Variants in THOP1 observed in about 807,000 individuals in gnomAD.
THOP1 encodes the protein thimet oligopeptidase.
THOP1 carries 49 observed loss-of-function variants against 71.8 expected under a neutral mutation model. The ratio of observed to expected loss-of-function variants is 0.68; its 90% CI spans 0.54 to 0.87. The LOEUF (loss-of-function observed/expected upper bound fraction) is 0.87. Among genes scored for constraint, THOP1 ranks in the 40% least tolerant of loss-of-function variants. The probability of loss-of-function intolerance (pLI) is 0.00; values close to 1 mark genes in which losing one functional copy is unlikely to be tolerated. For synonymous variants in THOP1, 426 were observed against 421.5 expected (o/e 1.01, Z -0.13); for missense variants, 843 against 975.6 (o/e 0.86, Z 1.81).
intron 4 of THOP1, among the ~76,000 whole-genome samples, chr19:2,798,803 C>T (rs1286817672): frequency 2.0e-5 from 3 of 152,262 alleles, no homozygotes; most frequent in African/African-American, 7.2e-5. Flanking sequence ...GCTCCAGACC[C>T]GCCTGGCGGA....
chr19:2,808,395 A>G lies in THOP1; in HGVS notation c.1406A>G (p.Glu469Gly), dbSNP rs1385753093. The change falls in exon 9 of 13, where the codon GAG (glutamate) becomes GGG (glycine). Residue 469 changes from glutamate (E) to glycine (G), a missense_variant. Transcript: ENST00000307741. ...APSLLQHDEV[E>G]TYFHEFGHVM... ...TCGCTGCTGCAGCATGACGAGGTGGAGACCTACTTCCATGAGTTTGGCCAC... is the reference window on the plus strand; with the variant it reads ...TCGCTGCTGCAGCATGACGAGGTGGGGACCTACTTCCATGAGTTTGGCCAC... 1 of 1,611,290 alleles carries G rather than the reference A, an allele frequency of 6.2e-7. No homozygotes were observed. The highest frequency in any genetic ancestry group is 8.5e-7 in the Non-Finnish European group (1 of 1,178,802).
Position 2,794,795 on chromosome 19 carries a change from T to C in THOP1, c.261T>C (p.His87=). The change falls in exon 3 of 13, where the codon CAT becomes CAC. Residue 87 remains histidine (H), a synonymous_variant. Coordinates refer to ENST00000307741, the MANE Select transcript of THOP1 (RefSeq NM_003249.5). The part of the protein sequence containing the change: ...VQRNILDFPQ[H]VSPSKDIRTA... ...GGAATATCCTTGACTTCCCCCAGCA[T>C]GTTTCCCCCTCCAAGGACATCCGGA... The C allele has an allele frequency of 2.5e-6, 4 of 1,613,806 alleles. No individual in the cohort carries two copies. The highest frequency in any genetic ancestry group is 2.2e-5 in the East Asian group (1 of 44,880).
At chr19:2,812,954 C>T (rs1231908746) in intron 12 of THOP1, among the ~76,000 whole-genome samples, 161 bp from the exon 13 acceptor site, 5 of 152,156 alleles carry the variant, frequency 3.3e-5, no homozygotes, top group Admixed American at 6.5e-5. Flanking sequence ...AAGGCACCTG[C>T]GCTCTCCCAC....
In THOP1 at chr19:2,785,614, C is replaced by T. The variant is rs1915721922; in HGVS notation, c.-49C>T. 2 of 1,499,912 alleles carry T rather than the reference C, an allele frequency of 1.3e-6. No individual in the cohort carries two copies. The highest frequency in any genetic ancestry group is 2.2e-5 in the Admixed American group (1 of 46,088). 92.9% of individuals were successfully genotyped at this position (1,499,912 alleles called of 1,614,324 possible). ...CCTCAGTGGCCGAGGTGGCTGGACG[C>T]GTAGCAGGTGGAAGGAGGGAGGGAG... On this transcript the variant is annotated 5_prime_UTR_variant, in exon 1 of 13. Coordinates refer to ENST00000307741, the MANE Select transcript of THOP1 (RefSeq NM_003249.5).
At chr19:2,812,461 C>A in intron 12 of THOP1, 1 of 1,372,418 alleles carries the variant, frequency 7.3e-7, no homozygotes, top group Non-Finnish European at 9.5e-7. Context: ...TCCGACAAGC[C>A]CCCTGTCTTC....
chr19:2,808,718 G>A lies in THOP1; in HGVS notation c.1455+274G>A, dbSNP rs539056639. The stretch of plus-strand genomic sequence containing the variant: ...CGGAGGTCACAGTGTCAGCAGGGTT[G>A]GCTCCCTCGAGGTCCCTCCTTGGCT... On this transcript the variant is annotated intron_variant, in intron 9 of 12. Coordinates refer to ENST00000307741, the MANE Select transcript of THOP1 (RefSeq NM_003249.5). 4.1e-4 allele frequency among the ~76,000 whole-genome samples: 63 copies of A among 152,354 alleles called. 1 individual carries two copies. The highest frequency in any genetic ancestry group is 1.4e-3 in the African/African-American group (59 of 41,592).
At chr19:2,790,177 G>T (rs1375821672) in intron 1 of THOP1, among the ~76,000 whole-genome samples, 1 of 152,184 alleles carries the variant, frequency 6.6e-6, no homozygotes, top group Non-Finnish European at 1.5e-5. Flanking sequence ...CACGCCAGGA[G>T]CATCTGCAAC....
chr19:2,810,204 C>A, intron 9 of THOP1, 100 bp from the exon 10 acceptor site: 1 of 1,423,248 alleles, frequency 7.0e-7, no homozygotes, highest in Non-Finnish European at 9.4e-7. Flanking sequence ...ATCACCTGTG[C>A]ACTCGCCCTG....
Position 2,813,545 on chromosome 19 carries a change from T to C in THOP1, c.*269T>C. The C allele has an allele frequency of 2.3e-6, 1 of 441,532 alleles. No individual in the cohort carries two copies. Among genetic ancestry groups the C allele is most frequent in the Non-Finnish European group, 4.0e-6 (1 of 247,000 alleles). The allele number at this position is 441,532 out of a possible 1,614,324, so 27.4% of individuals were successfully genotyped here. A position where few individuals can be genotyped will look rare whatever the true frequency, so the allele number is the denominator to read the frequency against. On this transcript the variant is annotated 3_prime_UTR_variant, in exon 13 of 13. Transcript: ENST00000307741. ...CGTCTCCTCTCTGGGAAACGTCCCT[T>C]GTCAGGAGACGGCTCTTCTTTGAAA...
intron 12 of THOP1, chr19:2,812,151 C>A: frequency 6.8e-7 from 1 of 1,466,102 alleles, no homozygotes; most frequent in South Asian, 1.4e-5. Flanking sequence ...AGACCCTTCT[C>A]TGGAGAAGGC....
chr19:2,795,707 A>G (rs913691256), intron 3 of THOP1, among the ~76,000 whole-genome samples: 2 of 152,212 alleles, frequency 1.3e-5, no homozygotes, highest in Admixed American at 6.5e-5. Context: ...AGAGGTTCCC[A>G]TGCAGGTGCA....
rs1257830198 is a variant in THOP1 at position 2,804,423 on chromosome 19, G to A, written c.590-593G>A. The stretch of plus-strand genomic sequence containing the variant: ...CACTTGAAAGTGGTTGAGCCGTGGG[G>A]CTGCGTGCTGAGATCTCAGCTCTGA... On this transcript the variant is annotated intron_variant, in intron 5 of 12. Transcript: ENST00000307741. The surrounding 1 kb of genome is among the most constrained non-coding windows in gnomAD (Gnocchi z 4.7). Among the ~76,000 whole-genome samples the A allele has an allele frequency of 6.6e-6, 1 of 152,176 alleles. No homozygotes were observed. Among genetic ancestry groups the A allele is most frequent in the East Asian group, 1.9e-4 (1 of 5,188 alleles).
chr19:2,813,406 C>T lies in THOP1; in HGVS notation c.*130C>T. The stretch of plus-strand genomic sequence containing the variant: ...CAGGGTGGCTGAGCGGCTGTCTTGC[C>T]TCTTGTCATTGTCTGTCCCCACCCG... On this transcript the variant is annotated 3_prime_UTR_variant, in exon 13 of 13. Transcript: ENST00000307741. The T allele has an allele frequency of 8.4e-7, 1 of 1,194,444 alleles. No homozygotes were observed. Among genetic ancestry groups the T allele is most frequent in the Non-Finnish European group, 1.1e-6 (1 of 880,852 alleles). The allele number at this position is 1,194,444 out of a possible 1,614,324, so 74.0% of individuals were successfully genotyped here.
Position 2,806,985 on chromosome 19 carries a change from C to T in THOP1, c.819C>T (p.His273=). 2 of 1,613,128 alleles carry T rather than the reference C, an allele frequency of 1.2e-6. No homozygotes were observed. The highest frequency in any genetic ancestry group is 1.7e-6 in the Non-Finnish European group (2 of 1,179,880). Residue 273 remains histidine, a synonymous_variant, in exon 7 of 13, where the codon CAC becomes CAT. Transcript: ENST00000307741. ...AGAAGTCCCGCCTGCTGGGGTTCCA[C>T]ACGCACGCCGACTATGTCCTGGAGA... ...RAQKSRLLGF[H]THADYVLEMN...
In THOP1 at chr19:2,810,416, G is replaced by A. The variant is rs778703776; in HGVS notation, c.1568G>A (p.Arg523Gln). Residue 523 changes from arginine (R) to glutamine (Q), a missense_variant, in exon 10 of 13, where the codon CGG becomes CAG. Transcript: ENST00000307741. Reference protein sequence around the residue: ...WEQEPLLRMSRHYRTGSAVPR... With the variant: ...WEQEPLLRMSQHYRTGSAVPR... ...CAGGAGCCGCTGCTGCGGATGTCGC[G>A]GCACTACCGCACAGGCAGCGCCGTG... is the stretch of plus-strand genomic sequence containing the variant. 13 of 1,607,528 alleles carry A rather than the reference G, an allele frequency of 8.1e-6. No individual in the cohort carries two copies. The highest frequency in any genetic ancestry group is 6.7e-5 in the East Asian group (3 of 44,696).
intron 4 of THOP1, among the ~76,000 whole-genome samples, 165 bp downstream of exon 4, chr19:2,796,353 A>G (rs1916013728): frequency 1.5e-5 from 2 of 132,382 alleles, no homozygotes; most frequent in South Asian, 5.2e-4. Flanking sequence ...TTGGGGCATC[A>G]GGAGTGCTGG....
intron 5 of THOP1, 77 bp downstream of exon 5, chr19:2,799,868 G>A (rs966417340): frequency 1.7e-5 from 23 of 1,322,054 alleles, no homozygotes; most frequent in South Asian, 1.1e-4. Context: ...CTCGGGGGCC[G>A]CCGCTTCCTC....
chr19:2,802,733 G>T (rs149489758), intron 5 of THOP1, among the ~76,000 whole-genome samples: 1 of 152,194 alleles, frequency 6.6e-6, no homozygotes, highest in Non-Finnish European at 1.5e-5. Flanking sequence ...CATGTCCATG[G>T]ATGACTTCTG....
chr19:2,794,327 T>C (rs1915958828), intron 2 of THOP1, among the ~76,000 whole-genome samples: 1 of 152,190 alleles, frequency 6.6e-6, no homozygotes, highest in Non-Finnish European at 1.5e-5. Flanking sequence ...AGCTTATGCT[T>C]TTCTAGCCAC....
Sources: gnomAD v4.1 joint callset for allele counts (sites outside exome capture counted in the v4.1 genomes callset) on GRCh38, gnomAD v4.1.1 for gene constraint, Gnocchi (gnomAD v3.1) non-coding constraint, MANE v1.5 for transcripts, NCBI Gene and HGNC (gene_info 2026-07-23, HGNC 2026-07-21) for gene names.